The following MBD5 variants were observed in gnomAD, a reference collection of about 807,000 sequenced individuals.
The protein encoded by MBD5 is methyl-CpG binding domain protein 5.
MBD5 carries 13 observed loss-of-function variants against 117.3 expected under a neutral mutation model. The observed-to-expected ratio is 0.11, with a 90% CI of 0.07 to 0.18. The LOEUF (loss-of-function observed/expected upper bound fraction) is 0.18. Ranked by LOEUF, MBD5 falls within the 10% of genes least tolerant of loss-of-function variation. The pLI, the probability that MBD5 is intolerant of heterozygous loss-of-function variation, is 1.00. For missense variants in MBD5, 1,879 were observed against 2,093.8 expected (o/e 0.90, Z 2.00); for synonymous variants, 727 against 766.4 (o/e 0.95, Z 0.85).
At chr2:148,145,014 A>C (rs1290905279) in intron 1 of MBD5, among the ~76,000 whole-genome samples, 3 of 152,230 alleles carry the variant, frequency 2.0e-5, no homozygotes, top group African/African-American at 4.8e-5. Flanking sequence ...TGGGGATGGC[A>C]TCGAATCTAT....
intron 1 of MBD5, among the ~76,000 whole-genome samples, chr2:148,155,382 C>T (rs917360008): frequency 2.6e-5 from 4 of 152,126 alleles, no homozygotes; most frequent in South Asian, 2.1e-4. Context: ...CTGGCTTCAG[C>T]GATAGGAGAG....
intron 4 of MBD5, among the ~76,000 whole-genome samples, chr2:148,437,508 G>T (rs1225967044): frequency 6.6e-6 from 1 of 151,658 alleles, no homozygotes; most frequent in Non-Finnish European, 1.5e-5. Context: ...TATCTCAAAA[G>T]ATCAAAATCT....
At chr2:148,155,052 G>C (rs1387780082) in intron 1 of MBD5, among the ~76,000 whole-genome samples, 1 of 152,134 alleles carries the variant, frequency 6.6e-6, no homozygotes, top group African/African-American at 2.4e-5. Context: ...TCTCCAGAAA[G>C]GTATATTTCT....
intron 2 of MBD5, among the ~76,000 whole-genome samples, chr2:148,210,784 A>G (rs1699403887): frequency 6.6e-6 from 1 of 152,160 alleles, no homozygotes; most frequent in Admixed American, 6.5e-5. Flanking sequence ...TTCTATGAAT[A>G]TTAAAGAAAG....
rs930848948 is a variant in MBD5 at position 148,127,010 on chromosome 2, T to A, written c.-924-51690T>A. On this transcript the variant is annotated intron_variant, in intron 1 of 13. Transcript: ENST00000642680. ...TTTTTTTTTTTAGACGGAGTCTTGC[T>A]CTGTCTCCCAGGCTGGAGTGCGTGG... Among the ~76,000 whole-genome samples, 3 of 149,280 alleles carry A rather than the reference T, an allele frequency of 2.0e-5. No homozygotes were observed. In the Admixed American group the frequency reaches 2.0e-4, roughly 10 times the overall value.
chr2:148,102,395 C>T (rs1205893978), intron 1 of MBD5, among the ~76,000 whole-genome samples: 1 of 152,100 alleles, frequency 6.6e-6, no homozygotes, highest in African/African-American at 2.4e-5. Flanking sequence ...CCTCACAGTT[C>T]ATAGGAGTGT....
intron 1 of MBD5, among the ~76,000 whole-genome samples, chr2:148,148,763 A>C (rs1697544823): frequency 1.3e-5 from 2 of 152,076 alleles, no homozygotes; most frequent in South Asian, 4.2e-4. Flanking sequence ...AACCAGCTGA[A>C]ACATTTTCCT....
At chr2:148,426,313 T>C (rs147285265) in intron 4 of MBD5, among the ~76,000 whole-genome samples, 1,666 of 152,284 alleles carry the variant, frequency 0.011, 14 homozygotes, top group African/African-American at 0.035. Context: ...TGAAAGTTCA[T>C]ATGGAACCAA....
intron 1 of MBD5, among the ~76,000 whole-genome samples, chr2:148,144,296 T>C (rs1194244197): frequency 1.3e-5 from 2 of 151,784 alleles, no homozygotes; most frequent in Non-Finnish European, 2.9e-5. Context: ...ATGGGGTTGT[T>C]TGTTTTTTTC....
At chr2:148,409,402 A>G (rs552567605) in intron 4 of MBD5, among the ~76,000 whole-genome samples, 6 of 151,370 alleles carry the variant, frequency 4.0e-5, no homozygotes, top group South Asian at 2.1e-4. Flanking sequence ...AAAAAGAAAG[A>G]AAGAAAGAAA....
At chr2:148,198,725 A>G (rs1171717590) in intron 2 of MBD5, among the ~76,000 whole-genome samples, 1 of 152,136 alleles carries the variant, frequency 6.6e-6, no homozygotes, top group East Asian at 1.9e-4. Context: ...TTAATGGTTA[A>G]AAGTACATTC....
At chr2:148,032,536 A>T (rs893923106) in intron 1 of MBD5, among the ~76,000 whole-genome samples, 2 of 152,142 alleles carry the variant, frequency 1.3e-5, no homozygotes, top group East Asian at 3.9e-4. Context: ...AGTACCGAAT[A>T]TTAAACAAAG....
chr2:148,066,236 G>C (rs1458718749), intron 1 of MBD5, among the ~76,000 whole-genome samples: 1 of 152,118 alleles, frequency 6.6e-6, no homozygotes, highest in African/African-American at 2.4e-5. Flanking sequence ...AGCCCAGGAG[G>C]CGGAGGTTGT....
At chr2:148,094,363 T>C (rs1055196453) in intron 1 of MBD5, among the ~76,000 whole-genome samples, 1 of 152,198 alleles carries the variant, frequency 6.6e-6, no homozygotes, top group African/African-American at 2.4e-5. Context: ...CCCTCATTTA[T>C]AATCCAAATT....
intron 4 of MBD5, among the ~76,000 whole-genome samples, chr2:148,368,472 A>G (rs1703765043): frequency 6.6e-6 from 1 of 152,066 alleles, no homozygotes; most frequent in African/African-American, 2.4e-5. Context: ...TAAAGTATTA[A>G]AAAAAATAAA....
chr2:148,238,953 T>C (rs1700149714), intron 3 of MBD5, among the ~76,000 whole-genome samples: 1 of 151,938 alleles, frequency 6.6e-6, no homozygotes, highest in Non-Finnish European at 1.5e-5. Flanking sequence ...GGTTAGGACT[T>C]GAACATATTT....
At chr2:148,116,435 T>G (rs565968625) in intron 1 of MBD5, among the ~76,000 whole-genome samples, 1 of 152,258 alleles carries the variant, frequency 6.6e-6, no homozygotes, top group East Asian at 1.9e-4. Flanking sequence ...AACAAACATG[T>G]GAAAACTAAG....
At chr2:148,261,089 A>G (rs148740920) in intron 3 of MBD5, among the ~76,000 whole-genome samples, 4 of 152,302 alleles carry the variant, frequency 2.6e-5, no homozygotes, top group Non-Finnish European at 4.4e-5. Context: ...GCTATCCTCT[A>G]GGCTTTGTTA....
intron 4 of MBD5, among the ~76,000 whole-genome samples, chr2:148,455,259 G>A (rs1440084135): frequency 6.6e-6 from 1 of 152,074 alleles, no homozygotes; most frequent in Admixed American, 6.6e-5. Context: ...GGCTGAAGTA[G>A]CAGCAAAAAA....
Sources: gnomAD v4.1 joint callset for allele counts (sites outside exome capture counted in the v4.1 genomes callset) on GRCh38, gnomAD v4.1.1 for gene constraint, MANE v1.5 for transcripts, NCBI Gene and HGNC (gene_info 2026-07-23, HGNC 2026-07-21) for gene names.